Variants in SYNE1 observed in about 807,000 individuals in gnomAD.
The protein encoded by SYNE1 is nesprin-1.
A neutral mutation model predicts 1,111.0 loss-of-function variants in SYNE1; 616 were observed. The ratio of observed to expected loss-of-function variants is 0.55; its 90% CI spans 0.52 to 0.59. SYNE1 has a LOEUF of 0.59. SYNE1 is among the 20% of genes least tolerant of loss of function. The pLI is 0.00. For synonymous variants in SYNE1, 3,855 were observed against 3,825.8 expected, an observed-to-expected ratio of 1.01 and a Z score of -0.28; for missense variants, 10,006 against 10,417.0, an observed-to-expected ratio of 0.96 and a Z score of 1.72.
At chr6:152,269,132 G>C (rs745683570) in intron 99 of SYNE1, 23 bp downstream of exon 99, 3 of 1,614,128 alleles carry the variant, frequency 1.9e-6, no homozygotes, top group Non-Finnish European at 2.5e-6. Flanking sequence ...CTGCAAGCTA[G>C]AGAGAGGTAG....
At chr6:152,186,514 C>A in intron 128 of SYNE1, among the ~76,000 whole-genome samples, 1 of 124,488 alleles carries the variant, frequency 8.0e-6, no homozygotes, top group East Asian at 2.7e-4. Flanking sequence ...CGAGATCACA[C>A]CATTGCACTC....
intron 3 of SYNE1, among the ~76,000 whole-genome samples, chr6:152,578,722 C>T (rs190304903): frequency 2.4e-3 from 368 of 152,276 alleles, no homozygotes; most frequent in African/African-American, 8.1e-3. Context: ...GTCTATAACC[C>T]TGTTTTCCTG....
At chr6:152,489,150 A>G (rs906512947) in intron 11 of SYNE1, among the ~76,000 whole-genome samples, 2 of 152,220 alleles carry the variant, frequency 1.3e-5, no homozygotes, top group African/African-American at 4.8e-5. Context: ...ACTTATTTTC[A>G]CAAATAATGA....
intron 3 of SYNE1, among the ~76,000 whole-genome samples, chr6:152,597,251 A>T (rs1022515962): frequency 6.6e-6 from 1 of 152,106 alleles, no homozygotes; most frequent in African/African-American, 2.4e-5. Context: ...AACTAAAACT[A>T]CCTAAAGCAC....
rs1197387665 is a variant in SYNE1 at position 152,301,945 on chromosome 6, T to G, written c.17465A>C (p.Glu5822Ala). Residue 5822 changes from glutamate (E) to alanine (A), a missense_variant, in exon 92 of 146, where the codon GAG becomes GCG. By Grantham distance (107) the Glu-to-Ala change is moderately radical (BLOSUM62 -1). Around this residue, in one of 7 missense-constraint regions of SYNE1, gnomAD observed 4,955 missense variants for 5,017.2 expected, o/e 0.99. Coordinates refer to ENST00000367255, the MANE Select transcript of SYNE1 (RefSeq NM_182961.4). ...GTCCTCTGTCCCTTCCGCCAGCCCC[T>G]CGACCTCGGTCACCGTCAGCAGCAT... The part of the protein sequence containing the change: ...ATMLLTVTEV[E>A]GLAEGTEDLD... 6.2e-7 allele frequency: 1 copy of G among 1,614,052 alleles called. No homozygotes were observed. Among genetic ancestry groups the G allele is most frequent in the Non-Finnish European group, 8.5e-7 (1 of 1,180,040 alleles).
chr6:152,350,802 C>T, intron 70 of SYNE1, 32 bp from the exon 71 acceptor site: 1 of 1,613,738 alleles, frequency 6.2e-7, no homozygotes, highest in Non-Finnish European at 8.5e-7. Context: ...AATGAGCCTG[C>T]TCATCTCCGT....
At chr6:152,601,617 C>A (rs2099596308) in intron 3 of SYNE1, among the ~76,000 whole-genome samples, 2 of 152,100 alleles carry the variant, frequency 1.3e-5, no homozygotes, top group African/African-American at 4.8e-5. Flanking sequence ...GAAGTTCAGG[C>A]CATAGGCAGG....
chr6:152,388,144 C>T (rs2097551101), intron 53 of SYNE1, among the ~76,000 whole-genome samples: 1 of 152,154 alleles, frequency 6.6e-6, no homozygotes, highest in African/African-American at 2.4e-5. Context: ...AGTATTTGCT[C>T]AAACTGTTGC....
chr6:152,147,314 T>G (rs1391836889), intron 137 of SYNE1: 1 of 152,294 alleles, frequency 6.6e-6, no homozygotes, highest in African/African-American at 2.4e-5. Flanking sequence ...CCGCTGAATA[T>G]GCCCTTCTCC....
At chr6:152,170,303 C>A (rs1399751813) in intron 130 of SYNE1, among the ~76,000 whole-genome samples, 1 of 152,180 alleles carries the variant, frequency 6.6e-6, no homozygotes, top group Non-Finnish European at 1.5e-5. Flanking sequence ...CTATGGAATA[C>A]TCTGCAGGTT....
intron 63 of SYNE1, among the ~76,000 whole-genome samples, chr6:152,363,475 CAG>C (rs571022854): frequency 5.2e-4 from 79 of 150,504 alleles, no homozygotes; most frequent in African/African-American, 1.7e-3. Context: ...GCCTGGGCGA[CAG>C]AGCAAGACTC....
intron 87 of SYNE1, 36 bp downstream of exon 87, chr6:152,316,813 T>G: frequency 6.2e-7 from 1 of 1,613,190 alleles, no homozygotes; most frequent in South Asian, 1.1e-5. Flanking sequence ...AAATTGCCCT[T>G]GGTTACTTTT....
At chr6:152,262,577 G>C (rs748303985) in intron 100 of SYNE1, among the ~76,000 whole-genome samples, 1 of 152,164 alleles carries the variant, frequency 6.6e-6, no homozygotes, top group Non-Finnish European at 1.5e-5. Context: ...ACAGGAGGGC[G>C]GTGCAGGACA....
intron 130 of SYNE1, among the ~76,000 whole-genome samples, chr6:152,175,144 T>C (rs1003123986): frequency 6.6e-5 from 10 of 152,176 alleles, no homozygotes; most frequent in Non-Finnish European, 1.3e-4. Flanking sequence ...AGAGCTGAGA[T>C]TGTGCCACTG....
In SYNE1 at chr6:152,352,044, G is replaced by A; in HGVS notation, c.11563C>T (p.Gln3855Ter). ...PKMELYEKKAQLSKYKSLQQT... is the reference protein window; with the variant it reads ...PKMELYEKKA Reference sequence around the variant, plus strand: ...CACACTACCTTGTATTTAGATAACTGAGCTTTTTTCTCATATAATTCCATT... The same window carrying A: ...CACACTACCTTGTATTTAGATAACTAAGCTTTTTTCTCATATAATTCCATT... The change falls in exon 70 of 146, where the codon CAG becomes TAG. Residue 3855 changes from glutamine to a stop codon, truncating the protein, a stop_gained. Coordinates refer to ENST00000367255, the MANE Select transcript of SYNE1 (RefSeq NM_182961.4). LOFTEE classifies it high-confidence loss of function. 6.2e-7 allele frequency: 1 copy of A among 1,614,074 alleles called. No individual in the cohort carries two copies. Among genetic ancestry groups the A allele is most frequent in the Non-Finnish European group, 8.5e-7 (1 of 1,180,026 alleles).
intron 75 of SYNE1, among the ~76,000 whole-genome samples, chr6:152,337,554 G>T (rs1336880572): frequency 2.0e-5 from 3 of 152,204 alleles, no homozygotes; most frequent in Non-Finnish European, 4.4e-5. Flanking sequence ...CTCCCAAAGT[G>T]CTGGGATTAC....
chr6:152,338,977 G>A (rs2096471437), intron 75 of SYNE1, among the ~76,000 whole-genome samples: 1 of 152,180 alleles, frequency 6.6e-6, no homozygotes, highest in South Asian at 2.1e-4. Context: ...GGTCATTAAG[G>A]AGGAGAAAAA....
chr6:152,359,198 T>C, intron 65 of SYNE1, 117 bp downstream of exon 65: 5 of 1,423,362 alleles, frequency 3.5e-6, no homozygotes, highest in Non-Finnish European at 4.9e-6. Flanking sequence ...AAAATTCATT[T>C]TGCTTTTGTT....
At chr6:152,363,294 G>GTA in intron 63 of SYNE1, among the ~76,000 whole-genome samples, 3 of 146,222 alleles carry the variant, frequency 2.1e-5, no homozygotes, top group South Asian at 2.3e-4. Flanking sequence ...GGAGATCAAG[G>GTA]CCATCCTGGC....
Sources: gnomAD v4.1 joint callset for allele counts (sites outside exome capture counted in the v4.1 genomes callset) on GRCh38, gnomAD v4.1.1 for gene constraint, gnomAD v4.1.1 regional missense constraint, MANE v1.5 for transcripts, NCBI Gene and HGNC (gene_info 2026-07-23, HGNC 2026-07-21) for gene names.